The following KPNA6 variants were observed in gnomAD, a reference collection of about 807,000 sequenced individuals.
KPNA6 encodes the protein importin subunit alpha-7.
KPNA6 carries 9 observed loss-of-function variants against 72.0 expected under a neutral mutation model. That is an observed-to-expected ratio of 0.13 (90% confidence interval 0.08 to 0.22). The LOEUF (loss-of-function observed/expected upper bound fraction) is 0.22, where lower values mean the gene tolerates loss of function less well. Ranked by LOEUF, KPNA6 falls within the 10% of genes least tolerant of loss-of-function variation. The pLI is 1.00. For synonymous variants in KPNA6, 219 were observed against 242.1 expected (o/e 0.90, Z 0.89); for missense variants, 374 against 655.7 (o/e 0.57, Z 4.69).
chr1:32,162,247 C>T, intron 8 of KPNA6, 114 bp from the exon 9 acceptor site: 1 of 1,080,656 alleles, frequency 9.3e-7, no homozygotes, highest in South Asian at 1.5e-5. Flanking sequence ...TCCCTAGGGT[C>T]TGGAATTACT....
At chr1:32,127,157 A>G (rs922236680) in intron 1 of KPNA6, among the ~76,000 whole-genome samples, 54 of 152,214 alleles carry the variant, frequency 3.5e-4, no homozygotes, top group Non-Finnish European at 6.6e-4. Flanking sequence ...CCTGTTTTAG[A>G]GAGGCAGAAG....
At chr1:32,157,579 T>C in intron 4 of KPNA6, 134 bp downstream of exon 4, 2 of 626,030 alleles carry the variant, frequency 3.2e-6, no homozygotes, top group Non-Finnish European at 5.7e-6. Flanking sequence ...TTGTACAAGA[T>C]AGACACATTG....
chr1:32,146,044 G>T (rs1355534281), intron 1 of KPNA6, among the ~76,000 whole-genome samples: 1 of 152,190 alleles, frequency 6.6e-6, no homozygotes, highest in Non-Finnish European at 1.5e-5. Flanking sequence ...CTATCCTGGA[G>T]AATCTATACT....
chr1:32,161,238 C>G (rs1264156917), intron 7 of KPNA6, among the ~76,000 whole-genome samples: 1 of 152,144 alleles, frequency 6.6e-6, no homozygotes, highest in African/African-American at 2.4e-5. Context: ...TAGTCATATC[C>G]TCATATCCTC....
rs544837109 is a variant in KPNA6 at position 32,139,123 on chromosome 1, G to A, written c.5-15465G>A. 1.2e-4 allele frequency among the ~76,000 whole-genome samples: 19 copies of A among 152,202 alleles called. No individual in the cohort carries two copies. The East Asian group carries it at 3.1e-3, about 25-fold the overall frequency. On this transcript the variant is annotated intron_variant, in intron 1 of 13. Coordinates refer to ENST00000373625, the MANE Select transcript of KPNA6 (RefSeq NM_012316.5). ...TGTGTCTGGAACAACGTATATGCTCGATGAGTATATAATAAATATTTGAAT... is the reference window on the plus strand; with the variant it reads ...TGTGTCTGGAACAACGTATATGCTCAATGAGTATATAATAAATATTTGAAT...
intron 1 of KPNA6, among the ~76,000 whole-genome samples, chr1:32,144,255 G>T (rs1417036360): frequency 6.6e-6 from 1 of 152,170 alleles, no homozygotes; most frequent in African/African-American, 2.4e-5. Context: ...ATACAGTGTG[G>T]ATATACTGGA....
At chr1:32,163,020 C>T (rs113353306) in intron 9 of KPNA6, among the ~76,000 whole-genome samples, 3 of 138,166 alleles carry the variant, frequency 2.2e-5, no homozygotes, top group African/African-American at 5.5e-5. Context: ...AGGAGAATGG[C>T]GTGAACCCGG....
intron 1 of KPNA6, among the ~76,000 whole-genome samples, chr1:32,151,730 A>T (rs555798705): frequency 1.3e-5 from 2 of 152,288 alleles, no homozygotes; most frequent in East Asian, 3.9e-4. Context: ...CTGTTGCCCG[A>T]TGTCTGAAAC....
intron 1 of KPNA6, among the ~76,000 whole-genome samples, chr1:32,133,516 CAAAAA>C (rs56850687): frequency 9.1e-5 from 4 of 43,878 alleles, no homozygotes; most frequent in African/African-American, 2.2e-4. Flanking sequence ...CTAGTCTCTA[CAAAAA>C]AAAAAAAAAA....
intron 1 of KPNA6, among the ~76,000 whole-genome samples, chr1:32,125,273 A>G (rs953836597): frequency 6.6e-6 from 1 of 152,386 alleles, no homozygotes; most frequent in Non-Finnish European, 1.5e-5. Flanking sequence ...AACTTTAAAA[A>G]TCATTCAAAA....
At position 32,117,500 on chromosome 1, in the gene KPNA6, C is replaced by T. The variant is rs140868969; in HGVS notation, c.4+9366C>T. 3.6e-4 allele frequency among the ~76,000 whole-genome samples: 53 copies of T among 145,908 alleles called. No individual in the cohort carries two copies. In the East Asian group the frequency reaches 0.011, roughly 30 times the overall value. The stretch of plus-strand genomic sequence containing the variant: ...TTTGTTTTTTTTTTTTTAAAAAAAA[C>T]ACACATTGGCTGGGTATGCTGGCTG... On this transcript the variant is annotated intron_variant, in intron 1 of 13. Coordinates refer to ENST00000373625, the MANE Select transcript of KPNA6 (RefSeq NM_012316.5).
chr1:32,119,744 T>A (rs1402788131), intron 1 of KPNA6, among the ~76,000 whole-genome samples: 3 of 166 alleles, frequency 0.018, no homozygotes, highest in Non-Finnish European at 0.058. Flanking sequence ...AAATCTGGAA[T>A]TTTTTTTTTT....
chr1:32,123,261 G>C (rs952682335), intron 1 of KPNA6, among the ~76,000 whole-genome samples: 2 of 152,066 alleles, frequency 1.3e-5, no homozygotes, highest in African/African-American at 4.8e-5. Flanking sequence ...TCCGGGCGTG[G>C]TGTTTCTCAA....
intron 1 of KPNA6, among the ~76,000 whole-genome samples, chr1:32,109,950 C>T (rs1360056101): frequency 8.6e-5 from 13 of 151,856 alleles, no homozygotes; most frequent in Admixed American, 5.3e-4. Context: ...CCACCATGCC[C>T]GGCCACTTTG....
chr1:32,158,355 A>G lies in KPNA6; in HGVS notation c.420A>G (p.Thr140=). 1.2e-6 allele frequency: 2 copies of G among 1,606,408 alleles called. No individual in the cohort carries two copies. The highest frequency in any genetic ancestry group is 1.7e-6 in the Non-Finnish European group (2 of 1,173,182). Reference sequence around the variant, plus strand: ...TTCTGAAGAGGAATGAGAATTGTACATTACAGGTGAGGCCTGAAGGGAAGG... The same window carrying G: ...TTCTGAAGAGGAATGAGAATTGTACGTTACAGGTGAGGCCTGAAGGGAAGG... ...VEFLKRNENC[T]LQFEAAWALT... Residue 140 remains threonine (T), a synonymous_variant, in exon 5 of 14, where the codon ACA becomes ACG. Transcript: ENST00000373625.
intron 1 of KPNA6, among the ~76,000 whole-genome samples, chr1:32,134,169 A>T (rs1355311104): frequency 6.6e-6 from 1 of 151,560 alleles, no homozygotes; most frequent in Non-Finnish European, 1.5e-5. Flanking sequence ...AGGCAGGAGA[A>T]TTGCTTGAAC....
intron 1 of KPNA6, among the ~76,000 whole-genome samples, chr1:32,137,428 C>A (rs899795117): frequency 1.3e-5 from 2 of 152,160 alleles, no homozygotes; most frequent in Non-Finnish European, 2.9e-5. Flanking sequence ...CCACCTTGGC[C>A]TCTCAAAGTG....
At chr1:32,148,184 A>G (rs1162834715) in intron 1 of KPNA6, among the ~76,000 whole-genome samples, 1 of 151,976 alleles carries the variant, frequency 6.6e-6, no homozygotes, top group Non-Finnish European at 1.5e-5. Context: ...GGCTCAATGC[A>G]GTCTCTGCCT....
intron 1 of KPNA6, among the ~76,000 whole-genome samples, chr1:32,125,500 G>A (rs539044833): frequency 2.6e-5 from 4 of 152,258 alleles, no homozygotes; most frequent in South Asian, 2.1e-4. Context: ...CCCCAGTCAC[G>A]GCCATCTGGT....
Sources: allele counts gnomAD v4.1 joint callset (sites outside exome capture counted in the v4.1 genomes callset), GRCh38; gene constraint gnomAD v4.1.1; transcripts MANE v1.5; gene names NCBI Gene and HGNC (gene_info 2026-07-23, HGNC 2026-07-21).